The following LAG3 variants were observed in gnomAD, a reference collection of about 807,000 sequenced individuals.
LAG3 encodes the protein lymphocyte activating 3.
Under a neutral mutation model 49.0 loss-of-function variants are expected in LAG3, and 29 were observed. That is an observed-to-expected ratio of 0.59 (90% CI 0.44 to 0.81). LAG3 has a LOEUF of 0.81. LAG3 is among the 30% of genes least tolerant of loss of function. The pLI, the probability that LAG3 is intolerant of heterozygous loss-of-function variation, is 0.00. For synonymous variants in LAG3, 320 were observed against 297.3 expected (o/e 1.08, Z -0.79); for missense variants, 693 against 695.2 (o/e 1.00, Z 0.04).
intron 5 of LAG3, 128 bp from the exon 6 acceptor site, chr12:6,777,136 T>A (rs142858312): frequency 1.0e-6 from 1 of 963,932 alleles, no homozygotes. Context: ...TGACCCATGA[T>A]GTCCTTCCCC....
Position 6,774,604 on chromosome 12 carries a change from G to GC in LAG3, c.527dup (p.Gly177ArgfsTer19), listed in dbSNP as rs752251780. On this transcript the variant is annotated frameshift_variant, in exon 4 of 8. Transcript: ENST00000203629. LOFTEE classifies it high-confidence loss of function. Reference sequence around the variant, plus strand: ...CTTTATCCTTGCACAGTGACTGCCAGCCCCCCAGGATCTCTCAGAGCCTCC... The same window carrying GC: ...CTTTATCCTTGCACAGTGACTGCCAGCCCCCCCAGGATCTCTCAGAGCCTCC... 5 of 1,613,446 alleles carry GC rather than the reference G, an allele frequency of 3.1e-6. No individual in the cohort carries two copies. Among genetic ancestry groups the GC allele is most frequent in the Non-Finnish European group, 4.2e-6 (5 of 1,179,710 alleles).
rs1339123774 is a variant in LAG3, at chr12:6,773,974, C to T, written c.484C>T (p.Leu162Phe). 1.4e-6 allele frequency: 2 copies of T among 1,441,498 alleles called. No homozygotes were observed. The highest frequency in any genetic ancestry group is 1.8e-6 in the Non-Finnish European group (2 of 1,106,140). 89.3% of individuals were successfully genotyped at this position (1,441,498 alleles called of 1,614,324 possible). Residue 162 changes from leucine to phenylalanine, a missense_variant, in exon 3 of 8, where the codon CTC (leucine) becomes TTC (phenylalanine). By Grantham distance (22) the Leu-to-Phe change is conservative. Coordinates refer to ENST00000203629, the MANE Select transcript of LAG3 (RefSeq NM_002286.6). This position sits in a 1 kb window ranked among gnomAD's most constrained non-coding sequence, Gnocchi z 5.5. ...HLRDRALSCR[L>F]RLRLGQASMT... ...CAGGGACCGCGCCCTCTCCTGCCGC[C>T]TCCGTCTGCGCCTGGGCCAGGCCTC...
rs1941873506 is a variant in LAG3, at chr12:6,773,920, G to T, written c.430G>T (p.Ala144Ser). 6 of 1,382,312 alleles carry T rather than the reference G, an allele frequency of 4.3e-6. No homozygotes were observed. The highest frequency in any genetic ancestry group is 3.0e-5 in the African/African-American group (2 of 65,698). 85.6% of individuals were successfully genotyped at this position (1,382,312 alleles called of 1,614,324 possible). Residue 144 changes from alanine (A) to serine (S), a missense_variant, in exon 3 of 8, where the codon GCC becomes TCC. Coordinates refer to ENST00000203629, the MANE Select transcript of LAG3 (RefSeq NM_002286.6). This position sits in a 1 kb window ranked among gnomAD's most constrained non-coding sequence, Gnocchi z 5.5. ...GCTGCGCCCAGCCCGGCGCGCGGACGCCGGCGAGTACCGCGCCGCGGTGCA... is the reference window on the plus strand; with the variant it reads ...GCTGCGCCCAGCCCGGCGCGCGGACTCCGGCGAGTACCGCGCCGCGGTGCA... ...LWLRPARRADAGEYRAAVHLR... is the reference protein window; with the variant it reads ...LWLRPARRADSGEYRAAVHLR...
chr12:6,775,795 T>C (rs919775542), intron 5 of LAG3: 5 of 504,142 alleles, frequency 9.9e-6, no homozygotes, highest in African/African-American at 5.8e-5. Flanking sequence ...CTGCTCTCAA[T>C]TGGCGGGAGG....
rs1220909295 is a variant in LAG3 at position 6,773,823 on chromosome 12, C to T, written c.333C>T (p.Ser111=). 2 of 1,404,164 alleles carry T rather than the reference C, an allele frequency of 1.4e-6. No homozygotes were observed. Among genetic ancestry groups the T allele is most frequent in the African/African-American group, 3.0e-5 (2 of 66,238 alleles). The allele number at this position is 1,404,164 out of a possible 1,614,324, so 87.0% of individuals were successfully genotyped here. A position where few individuals can be genotyped will look rare whatever the true frequency, so the allele number is the denominator to read the frequency against. ...VLSVGPGGLR[S]GRLPLQPRVQ... ...GCGTGGGTCCCGGAGGCCTGCGCAG[C>T]GGGAGGCTGCCCCTGCAGCCCCGCG... The change falls in exon 3 of 8, where the codon AGC becomes AGT. Residue 111 remains serine (S), a synonymous_variant. Transcript: ENST00000203629. This position sits in a 1 kb window ranked among gnomAD's most constrained non-coding sequence, Gnocchi z 5.5.
Position 6,777,373 on chromosome 12 carries a change from C to T in LAG3, c.1167C>T (p.Ser389=). The T allele has an allele frequency of 6.2e-7, 1 of 1,614,142 alleles. No homozygotes were observed. The highest frequency in any genetic ancestry group is 8.5e-7 in the Non-Finnish European group (1 of 1,180,028). The part of the protein sequence containing the change: ...RFVWSSLDTP[S]QRSFSGPWLE... ...TGTGGAGCTCTCTGGACACCCCATC[C>T]CAGAGGAGTTTCTCAGGACCTTGGC... The change falls in exon 6 of 8, where the codon TCC becomes TCT. Residue 389 remains serine (S), a synonymous_variant. Coordinates refer to ENST00000203629, the MANE Select transcript of LAG3 (RefSeq NM_002286.6).
rs201554186 is a variant in LAG3 at position 6,777,318 on chromosome 12, T to C, written c.1112T>C (p.Val371Ala). 1.1e-4 allele frequency: 181 copies of C among 1,614,054 alleles called. No individual in the cohort carries two copies. The highest frequency in any genetic ancestry group is 1.5e-4 in the Non-Finnish European group (173 of 1,180,020). The change falls in exon 6 of 8, where the codon GTG becomes GCG. Residue 371 changes from valine to alanine, a missense_variant. Transcript: ENST00000203629. ...TCCCTGGGGAAGCTGCTTTGTGAGG[T>C]GACTCCAGTATCTGGACAAGAACGC... Reference protein sequence around the residue: ...PGSLGKLLCEVTPVSGQERFV... With the variant: ...PGSLGKLLCEATPVSGQERFV...
chr12:6,774,257 G>A (rs1461121538), intron 3 of LAG3, among the ~76,000 whole-genome samples: 1 of 152,232 alleles, frequency 6.6e-6, no homozygotes, highest in African/African-American at 2.4e-5. Context: ...CCAGAGGGAG[G>A]GGGAGGGGGG....
intron 3 of LAG3, 59 bp from the exon 4 acceptor site, chr12:6,774,536 C>T: frequency 1.3e-6 from 2 of 1,559,918 alleles, no homozygotes; most frequent in Non-Finnish European, 1.7e-6. Context: ...CTTGGCAGCC[C>T]TGCTGTGTTG....
At position 6,773,755 on chromosome 12, in the gene LAG3, C is replaced by G. The variant is rs1941870370; in HGVS notation, c.265C>G (p.Pro89Ala). ...PLAPGPHPAA[P>A]SSWGPRPRRY... Reference sequence around the variant, plus strand: ...GGCCCCCGGCCCTCACCCGGCGGCGCCCTCCTCCTGGGGGCCCAGGCCCCG... The same window carrying G: ...GGCCCCCGGCCCTCACCCGGCGGCGGCCTCCTCCTGGGGGCCCAGGCCCCG... The change falls in exon 3 of 8, where the codon CCC becomes GCC. Residue 89 changes from proline to alanine, a missense_variant. Transcript: ENST00000203629. The surrounding 1 kb of genome is among the most constrained non-coding windows in gnomAD (Gnocchi z 5.5). 3.8e-6 allele frequency: 5 copies of G among 1,327,674 alleles called. No individual in the cohort carries two copies. Among genetic ancestry groups the G allele is most frequent in the Non-Finnish European group, 4.8e-6 (5 of 1,045,592 alleles). The allele number at this position is 1,327,674 out of a possible 1,614,324, so 82.2% of individuals were successfully genotyped here. A position where few individuals can be genotyped will look rare whatever the true frequency, so the allele number is the denominator to read the frequency against.
chr12:6,775,858 G>T, intron 5 of LAG3: 1 of 325,964 alleles, frequency 3.1e-6, no homozygotes, highest in Non-Finnish European at 5.7e-6. Flanking sequence ...TTCGAAAGAG[G>T]TAGAATATAT....
chr12:6,778,106 T>C, intron 7 of LAG3, 138 bp from the exon 8 acceptor site: 1 of 1,303,062 alleles, frequency 7.7e-7, no homozygotes, highest in East Asian at 2.5e-5. Context: ...GGAAGGGGGG[T>C]TGGGAGAAAG....
In LAG3 at chr12:6,778,323, A is replaced by C; in HGVS notation, c.1511A>C (p.Gln504Pro). ...CAGAGCAAGATAGAGGAGCTGGAGC[A>C]AGAACCGGAGCCGGAGCCGGAGCCG... is the stretch of plus-strand genomic sequence containing the variant. ...QAQSKIEELE[Q>P]EPEPEPEPEP... is the part of the protein sequence containing the mutation. Residue 504 changes from glutamine to proline, a missense_variant, in exon 8 of 8, where the codon CAA becomes CCA. Transcript: ENST00000203629. 1.9e-6 allele frequency: 3 copies of C among 1,613,198 alleles called. No homozygotes were observed. Among genetic ancestry groups the C allele is most frequent in the East Asian group, 2.2e-5 (1 of 44,860 alleles).
chr12:6,772,566 G>T lies in LAG3; in HGVS notation c.-287G>T. On this transcript the variant is annotated 5_prime_UTR_variant, in exon 1 of 8. Transcript: ENST00000203629. Reference sequence around the variant, plus strand: ...CCAGCCACGACGGCCACTTTGCTCTGTCTGCTCTCCGCCACGGCCCTGCTC... The same window carrying T: ...CCAGCCACGACGGCCACTTTGCTCTTTCTGCTCTCCGCCACGGCCCTGCTC... The T allele has an allele frequency of 2.6e-6, 1 of 384,436 alleles. No homozygotes were observed. Among genetic ancestry groups the T allele is most frequent in the Non-Finnish European group, 4.7e-6 (1 of 212,790 alleles). The allele number at this position is 384,436 out of a possible 1,614,324, so 23.8% of individuals were successfully genotyped here. A position where few individuals can be genotyped will look rare whatever the true frequency, so the allele number is the denominator to read the frequency against.
rs1941876328 is a variant in LAG3, at chr12:6,774,117, C to T, written c.511+116C>T. 2.3e-5 allele frequency: 30 copies of T among 1,322,562 alleles called. No individual in the cohort carries two copies. In the South Asian group the frequency reaches 5.4e-4, roughly 24 times the overall value. The allele number at this position is 1,322,562 out of a possible 1,614,324, so 81.9% of individuals were successfully genotyped here. On this transcript the variant is annotated intron_variant, in intron 3 of 7. Transcript: ENST00000203629. ...CGCCCTAGGCCCTGTCGGAGAGCTC[C>T]CAGAAGAGTAGAGGAAGGGGGTGGG...
rs200252747 is a variant in LAG3 at position 6,774,669 on chromosome 12, C to T, written c.586C>T (p.Arg196Cys). Reference sequence around the variant, plus strand: ...GAACTGCTCCTTCAGCCGCCCTGACCGCCCAGCCTCTGTGCATTGGTTCCG... The same window carrying T: ...GAACTGCTCCTTCAGCCGCCCTGACTGCCCAGCCTCTGTGCATTGGTTCCG... ...ILNCSFSRPD[R>C]PASVHWFRNR... The change falls in exon 4 of 8, where the codon CGC becomes TGC. Residue 196 changes from arginine (R) to cysteine (C), a missense_variant. Coordinates refer to ENST00000203629, the MANE Select transcript of LAG3 (RefSeq NM_002286.6). 25 of 1,614,062 alleles carry T rather than the reference C, an allele frequency of 1.5e-5. No individual in the cohort carries two copies. The highest frequency in any genetic ancestry group is 2.2e-5 in the East Asian group (1 of 44,892).
Position 6,773,943 on chromosome 12 carries a change from G to A in LAG3, c.453G>A (p.Val151=). Residue 151 remains valine, a synonymous_variant, in exon 3 of 8, where the codon GTG becomes GTA. Transcript: ENST00000203629. The surrounding 1 kb of genome is among the most constrained non-coding windows in gnomAD (Gnocchi z 5.5). ...RADAGEYRAA[V]HLRDRALSCR... ...ACGCCGGCGAGTACCGCGCCGCGGT[G>A]CACCTCAGGGACCGCGCCCTCTCCT... The A allele has an allele frequency of 7.1e-7, 1 of 1,415,630 alleles. No individual in the cohort carries two copies. Among genetic ancestry groups the A allele is most frequent in the Non-Finnish European group, 9.1e-7 (1 of 1,093,862 alleles). 87.7% of individuals were successfully genotyped at this position (1,415,630 alleles called of 1,614,324 possible).
At position 6,773,543 on chromosome 12, in the gene LAG3, C is replaced by T. The variant is rs12315020; in HGVS notation, c.207-154C>T. Among the ~76,000 whole-genome samples the T allele has an allele frequency of 6.6e-6, 1 of 152,206 alleles. No homozygotes were observed. The highest frequency in any genetic ancestry group is 1.5e-5 in the Non-Finnish European group (1 of 68,034). ...CATCCCTTCTCTCCAGAAGTGGATGCGGCCAGTCCAACAGAGGGGTCGGGC... is the reference window on the plus strand; with the variant it reads ...CATCCCTTCTCTCCAGAAGTGGATGTGGCCAGTCCAACAGAGGGGTCGGGC... On this transcript the variant is annotated intron_variant, in intron 2 of 7. Coordinates refer to ENST00000203629, the MANE Select transcript of LAG3 (RefSeq NM_002286.6). The surrounding 1 kb of genome is among the most constrained non-coding windows in gnomAD (Gnocchi z 5.5).
chr12:6,773,419 C>T lies in LAG3; in HGVS notation c.206+80C>T, dbSNP rs1941865882. On this transcript the variant is annotated intron_variant, in intron 2 of 7. Coordinates refer to ENST00000203629, the MANE Select transcript of LAG3 (RefSeq NM_002286.6). This position sits in a 1 kb window ranked among gnomAD's most constrained non-coding sequence, Gnocchi z 5.5. Reference sequence around the variant, plus strand: ...ACCCGTGCCGGTCCTCTGTCCCCTGCCCTGAGGTGTCACTCCCTCTGAAGC... The same window carrying T: ...ACCCGTGCCGGTCCTCTGTCCCCTGTCCTGAGGTGTCACTCCCTCTGAAGC... The T allele has an allele frequency of 4.0e-6, 6 of 1,514,886 alleles. No individual in the cohort carries two copies. The highest frequency in any genetic ancestry group is 5.4e-6 in the Non-Finnish European group (6 of 1,110,816). 93.8% of individuals were successfully genotyped at this position (1,514,886 alleles called of 1,614,324 possible).
Sources: gnomAD v4.1 joint callset for allele counts (sites outside exome capture counted in the v4.1 genomes callset) on GRCh38, gnomAD v4.1.1 for gene constraint, Gnocchi (gnomAD v3.1) non-coding constraint, MANE v1.5 for transcripts, NCBI Gene and HGNC (gene_info 2026-07-23, HGNC 2026-07-21) for gene names.